The following SYT4 variants were observed in gnomAD, a reference collection of about 807,000 sequenced individuals.
SYT4 encodes the protein synaptotagmin-4.
Under a neutral mutation model 32.9 loss-of-function variants are expected in SYT4, and 7 were observed. The observed-to-expected ratio is 0.21, with a 90% CI of 0.12 to 0.40. The LOEUF is 0.40. SYT4 is among the 10% of genes least tolerant of loss of function. SYT4 has a pLI of 1.00. For missense variants in SYT4, 480 were observed against 488.0 expected (o/e 0.98, Z 0.16); for synonymous variants, 205 against 186.2 (o/e 1.10, Z -0.82).
At position 43,270,026 on chromosome 18, in the gene SYT4, G is replaced by A; in HGVS notation, c.*315C>T. 1 of 291,170 alleles carries A rather than the reference G, an allele frequency of 3.4e-6. No individual in the cohort carries two copies. The highest frequency in any genetic ancestry group is 6.4e-6 in the Non-Finnish European group (1 of 155,772). 18.0% of individuals were successfully genotyped at this position (291,170 alleles called of 1,614,324 possible). A position where few individuals can be genotyped will look rare whatever the true frequency, so the allele number is the denominator to read the frequency against. On this transcript the variant is annotated 3_prime_UTR_variant, in exon 4 of 4. Transcript: ENST00000255224. ...AACTTTTTGTGACATGTTCCAATGA[G>A]ATTGTCACATTTATAATTTGGGATT... is the stretch of plus-strand genomic sequence containing the variant.
At chr18:43,276,781 C>T (rs912586528) in intron 1 of SYT4, among the ~76,000 whole-genome samples, 13 of 152,120 alleles carry the variant, frequency 8.5e-5, no homozygotes, top group Non-Finnish European at 1.8e-4. Flanking sequence ...CCATATGGTA[C>T]GCCCTGTAAT....
chr18:43,277,172 AAAAATAAAT>A (rs1219367207), intron 1 of SYT4, 67 bp downstream of exon 1: 1 of 1,582,026 alleles, frequency 6.3e-7, no homozygotes, highest in African/African-American at 1.4e-5. Flanking sequence ...CAACCGGGCA[AAAAATAAAT>A]GAATAAACAG....
rs1908536161 is a variant in SYT4 at position 43,268,787 on chromosome 18, T to G, written c.*1554A>C. The G allele has an allele frequency of 6.6e-6, 1 of 152,664 alleles. No homozygotes were observed. Among genetic ancestry groups the G allele is most frequent in the South Asian group, 2.1e-4 (1 of 4,834 alleles). The allele number at this position is 152,664 out of a possible 1,614,324, so 9.5% of individuals were successfully genotyped here. ...TTGTACATACAGAATGTAATACATT[T>G]TCTTTACATTAGGCATAGTCATAAA... On this transcript the variant is annotated 3_prime_UTR_variant, in exon 4 of 4. Coordinates refer to ENST00000255224, the MANE Select transcript of SYT4 (RefSeq NM_020783.4).
At position 43,274,120 on chromosome 18, in the gene SYT4, G is replaced by T. The variant is rs1482737461; in HGVS notation, c.309C>A (p.Gly103=). Residue 103 remains glycine (G), a synonymous_variant, in exon 2 of 4, where the codon GGC becomes GGA. Coordinates refer to ENST00000255224, the MANE Select transcript of SYT4 (RefSeq NM_020783.4). ...GTTTGAGGTTGGTTTTGGGAAAATT[G>T]CCATTGAGATCTCTCTTTTCAAGAT... is the stretch of plus-strand genomic sequence containing the variant. ...HLDLEKRDLN[G]NFPKTNLKPG... is the part of the protein sequence containing the mutation. 1 of 1,613,916 alleles carries T rather than the reference G, an allele frequency of 6.2e-7. No homozygotes were observed.
chr18:43,270,429 G>A lies in SYT4; in HGVS notation c.1190C>T (p.Ala397Val), dbSNP rs770402796. The change falls in exon 4 of 4, where the codon GCA (alanine) becomes GTA (valine). Residue 397 changes from alanine to valine, a missense_variant. Transcript: ENST00000255224. ...CCAGTGCTCTCCACCAGTTCCTTCTGCTGCTGCACCCAAGACTAACTGCCC... is the reference window on the plus strand; with the variant it reads ...CCAGTGCTCTCCACCAGTTCCTTCTACTGCTGCACCCAAGACTAACTGCCC... ...VIGQLVLGAA[A>V]EGTGGEHWKE... 8 of 1,614,044 alleles carry A rather than the reference G, an allele frequency of 5.0e-6. No individual in the cohort carries two copies. Among genetic ancestry groups the A allele is most frequent in the Non-Finnish European group, 6.8e-6 (8 of 1,179,958 alleles).
In SYT4 at chr18:43,274,247, T is replaced by C; in HGVS notation, c.182A>G (p.Asp61Gly). 2 of 1,613,956 alleles carry C rather than the reference T, an allele frequency of 1.2e-6. No homozygotes were observed. The highest frequency in any genetic ancestry group is 1.7e-6 in the Non-Finnish European group (2 of 1,179,924). The stretch of plus-strand genomic sequence containing the variant: ...GCTATTTAGGTTTTCAGGGTAAATA[T>C]CAACTCCCTTAAGCACATGCACAAA... ...YKFVHVLKGV[D>G]IYPENLNSKK... The change falls in exon 2 of 4, where the codon GAT (aspartate) becomes GGT (glycine). Residue 61 changes from aspartate to glycine, a missense_variant. Transcript: ENST00000255224.
At chr18:43,272,962 G>A (rs1908674865) in intron 2 of SYT4, among the ~76,000 whole-genome samples, 1 of 151,822 alleles carries the variant, frequency 6.6e-6, no homozygotes, top group African/African-American at 2.4e-5. Flanking sequence ...CAAATTTAAA[G>A]TGAAAATGGG....
chr18:43,271,590 C>A (rs892608255), intron 3 of SYT4, 122 bp downstream of exon 3: 24 of 1,327,616 alleles, frequency 1.8e-5, no homozygotes, highest in Non-Finnish European at 7.0e-6. Context: ...TAAAAGCTAA[C>A]TTTTATAGCA....
chr18:43,269,941 T>C lies in SYT4; in HGVS notation c.*400A>G. The C allele has an allele frequency of 5.9e-6, 1 of 170,224 alleles. No homozygotes were observed. The highest frequency in any genetic ancestry group is 1.3e-5 in the Non-Finnish European group (1 of 78,682). The allele number at this position is 170,224 out of a possible 1,614,324, so 10.5% of individuals were successfully genotyped here. On this transcript the variant is annotated 3_prime_UTR_variant, in exon 4 of 4. Coordinates refer to ENST00000255224, the MANE Select transcript of SYT4 (RefSeq NM_020783.4). ...AAAATTGATTTCCCCAACCTGAAGA[T>C]AAATGGATAAATTTTCACAAGGCAA...
intron 1 of SYT4, among the ~76,000 whole-genome samples, chr18:43,276,153 C>T (rs1203743969): frequency 1.3e-5 from 2 of 152,042 alleles, no homozygotes; most frequent in African/African-American, 4.8e-5. Flanking sequence ...AACCCAATAA[C>T]CCAAATGGAA....
In SYT4 at chr18:43,274,202, T is replaced by A. The variant is rs1568121185; in HGVS notation, c.227A>T (p.Asp76Val). ...NLNSKKKFGA[D>V]DKNEVKNKPA... ...CTTATTCTTTACTTCATTTTTATCA[T>A]CTGCTCCAAACTTCTTTTTGCTATT... Residue 76 changes from aspartate to valine, a missense_variant, in exon 2 of 4, where the codon GAT becomes GTT. Physicochemically the swap from Asp to Val is radical, Grantham distance 152 (BLOSUM62 -3). Coordinates refer to ENST00000255224, the MANE Select transcript of SYT4 (RefSeq NM_020783.4). 6.2e-7 allele frequency: 1 copy of A among 1,613,872 alleles called. No homozygotes were observed. Among genetic ancestry groups the A allele is most frequent in the Non-Finnish European group, 8.5e-7 (1 of 1,179,940 alleles).
chr18:43,277,103 T>G (rs1368823696), intron 1 of SYT4, 145 bp downstream of exon 1: 1 of 943,866 alleles, frequency 1.1e-6, no homozygotes, highest in African/African-American at 1.7e-5. Context: ...AAGCCACAAT[T>G]GCCTGACTGC....
In SYT4 at chr18:43,268,223, G is replaced by A. The variant is rs536627518; in HGVS notation, c.*2118C>T. On this transcript the variant is annotated 3_prime_UTR_variant, in exon 4 of 4. Transcript: ENST00000255224. ...ACATTTTCAGAAATGATGAAATTAG[G>A]TATTAAGATCTCCCTGCCTGTTTCA... The A allele has an allele frequency of 6.6e-6, 1 of 152,494 alleles. No individual in the cohort carries two copies. The highest frequency in any genetic ancestry group is 2.4e-5 in the African/African-American group (1 of 41,416). The allele number at this position is 152,494 out of a possible 1,614,324, so 9.4% of individuals were successfully genotyped here.
intron 2 of SYT4, 66 bp from the exon 3 acceptor site, chr18:43,271,898 A>G (rs1908642262): frequency 6.7e-7 from 1 of 1,490,422 alleles, no homozygotes; most frequent in Non-Finnish European, 9.1e-7. Context: ...TACTTTCATT[A>G]AAGTTTAAAT....
At chr18:43,271,979 AG>A (rs1908644473) in intron 2 of SYT4, 147 bp from the exon 3 acceptor site, 1 of 885,936 alleles carries the variant, frequency 1.1e-6, no homozygotes, top group Non-Finnish European at 1.6e-6. Flanking sequence ...AGTAACTAAA[AG>A]CTTTTGAGCA....
rs780701433 is a variant in SYT4, at chr18:43,274,303, T to C, written c.126A>G (p.Ser42=). Residue 42 remains serine (S), a synonymous_variant, in exon 2 of 4, where the codon TCA becomes TCG. Transcript: ENST00000255224. ...ATGGAGGAGTCTTGTTAGACTTGGA[T>C]GATTTTCTCTGACAGCAGATCCATG... ...LFAWICCQRK[S]SKSNKTPPYK... is the part of the protein sequence containing the mutation. The C allele has an allele frequency of 6.2e-7, 1 of 1,613,688 alleles. No individual in the cohort carries two copies. The highest frequency in any genetic ancestry group is 8.5e-7 in the Non-Finnish European group (1 of 1,179,916).
At chr18:43,275,779 T>G (rs1908773881) in intron 1 of SYT4, among the ~76,000 whole-genome samples, 1 of 152,140 alleles carries the variant, frequency 6.6e-6, no homozygotes, top group Non-Finnish European at 1.5e-5. Flanking sequence ...AACCTTTGAC[T>G]TCTCCAGGTG....
Position 43,274,369 on chromosome 18 carries a change from G to A in SYT4, c.60C>T (p.Ile20=). Residue 20 remains isoleucine (I), a synonymous_variant, in exon 2 of 4, where the codon ATC becomes ATT. Coordinates refer to ENST00000255224, the MANE Select transcript of SYT4 (RefSeq NM_020783.4). ...TGAAGACCAGGCCAAATGCACTGAA[G>A]ATCCCCACCACTGTGGGGATTTCAT... ...EFDEIPTVVG[I]FSAFGLVFTV... is the part of the protein sequence containing the mutation. The A allele has an allele frequency of 6.2e-7, 1 of 1,605,274 alleles. No homozygotes were observed. Among genetic ancestry groups the A allele is most frequent in the Non-Finnish European group, 8.5e-7 (1 of 1,178,346 alleles).
chr18:43,271,214 A>G (rs926140545), intron 3 of SYT4, among the ~76,000 whole-genome samples: 26 of 152,054 alleles, frequency 1.7e-4, no homozygotes, highest in African/African-American at 6.0e-4. Context: ...GTAGATTTTA[A>G]GTTCATGCTA....
Sources: allele counts gnomAD v4.1 joint callset (sites outside exome capture counted in the v4.1 genomes callset), GRCh38; gene constraint gnomAD v4.1.1; transcripts MANE v1.5; gene names NCBI Gene and HGNC (gene_info 2026-07-23, HGNC 2026-07-21).